Variants in NPAS3 observed in about 807,000 individuals in gnomAD.
NPAS3 encodes neuronal PAS domain-containing protein 3.
NPAS3 carries 14 observed loss-of-function variants against 73.1 expected under a neutral mutation model. That is an observed-to-expected ratio of 0.19 (90% CI 0.13 to 0.30). NPAS3 has a LOEUF of 0.30. NPAS3 is among the 10% of genes least tolerant of loss of function. The probability of loss-of-function intolerance (pLI) is 1.00; values close to 1 mark genes in which losing one functional copy is unlikely to be tolerated. For missense variants in NPAS3, 1,096 were observed against 1,250.0 expected (o/e 0.88, Z 1.86); for synonymous variants, 620 against 541.5 (o/e 1.14, Z -2.01).
At chr14:33,785,560 A>G (rs545245963) in intron 9 of NPAS3, among the ~76,000 whole-genome samples, 2 of 149,154 alleles carry the variant, frequency 1.3e-5, no homozygotes, top group East Asian at 3.9e-4. Flanking sequence ...TATACAAACT[A>G]TTTTTTAAAT....
At chr14:33,297,684 C>A (rs541202146) in intron 3 of NPAS3, among the ~76,000 whole-genome samples, 20 of 152,232 alleles carry the variant, frequency 1.3e-4, no homozygotes, top group Middle Eastern at 3.4e-3. Flanking sequence ...TGTCAGGATC[C>A]CTGCTGCTTG....
At chr14:33,694,771 T>G (rs1436101544) in intron 6 of NPAS3, among the ~76,000 whole-genome samples, 1 of 152,174 alleles carries the variant, frequency 6.6e-6, no homozygotes, top group South Asian at 2.1e-4. Context: ...ACAACATCTT[T>G]CCATCAGATA....
intron 3 of NPAS3, among the ~76,000 whole-genome samples, chr14:33,358,335 T>C (rs1444927720): frequency 6.6e-6 from 1 of 152,194 alleles, no homozygotes; most frequent in Admixed American, 6.5e-5. Context: ...TTATGCAGTA[T>C]TGAGCCCCAA....
intron 2 of NPAS3, 83 bp downstream of exon 2, chr14:33,056,077 T>C (rs1201707781): frequency 1.5e-5 from 9 of 607,496 alleles, no homozygotes; most frequent in Non-Finnish European, 2.6e-5. Context: ...TATCCTTGTA[T>C]TGAAACCTTC....
At chr14:33,660,638 C>T (rs1000438091) in intron 5 of NPAS3, among the ~76,000 whole-genome samples, 2 of 152,300 alleles carry the variant, frequency 1.3e-5, no homozygotes, top group East Asian at 3.9e-4. Context: ...TGGAGGGCAA[C>T]GCAAAGCCAT....
chr14:33,050,926 T>G (rs8022240), intron 1 of NPAS3, among the ~76,000 whole-genome samples: 8 of 152,214 alleles, frequency 5.3e-5, no homozygotes, highest in Non-Finnish European at 1.2e-4. Context: ...CAGCAGGTAG[T>G]GAAGTAGATC....
At chr14:33,332,324 T>G (rs2044023994) in intron 3 of NPAS3, among the ~76,000 whole-genome samples, 1 of 152,202 alleles carries the variant, frequency 6.6e-6, no homozygotes, top group Admixed American at 6.5e-5. Context: ...TGGCCGTATT[T>G]CTAAAAAATT....
chr14:33,231,802 T>G (rs1452767550), intron 3 of NPAS3, among the ~76,000 whole-genome samples: 2 of 152,190 alleles, frequency 1.3e-5, no homozygotes, highest in African/African-American at 2.4e-5. Context: ...CAAAGACTCT[T>G]TAAGTAAACT....
intron 5 of NPAS3, among the ~76,000 whole-genome samples, chr14:33,565,566 G>T (rs2077899552): frequency 6.6e-6 from 1 of 152,032 alleles, no homozygotes; most frequent in African/African-American, 2.4e-5. Context: ...TTAGTATGTG[G>T]CTAATACTCT....
At chr14:32,949,110 C>G (rs3946023) in intron 1 of NPAS3, among the ~76,000 whole-genome samples, 61,983 of 151,888 alleles carry the variant, frequency 0.41, 13,315 homozygotes, top group Middle Eastern at 0.52. Flanking sequence ...TCTGTATTTT[C>G]TAAGTACATG....
chr14:33,133,419 G>A (rs1003022969), intron 2 of NPAS3, among the ~76,000 whole-genome samples: 5 of 152,230 alleles, frequency 3.3e-5, no homozygotes, highest in East Asian at 3.9e-4. Flanking sequence ...TCACTGAGTC[G>A]TTAGGACCGG....
chr14:33,375,043 A>G (rs1050737977), intron 4 of NPAS3, among the ~76,000 whole-genome samples: 1 of 152,188 alleles, frequency 6.6e-6, no homozygotes, highest in Non-Finnish European at 1.5e-5. Flanking sequence ...GATCATCTCT[A>G]GGAAGTTGCA....
At chr14:33,660,837 C>T (rs972291450) in intron 5 of NPAS3, among the ~76,000 whole-genome samples, 2 of 152,176 alleles carry the variant, frequency 1.3e-5, no homozygotes, top group Admixed American at 1.3e-4. Context: ...TACATACTCT[C>T]GAAGGCAATC....
chr14:33,429,366 T>C (rs1469783572), intron 4 of NPAS3, among the ~76,000 whole-genome samples: 2 of 152,022 alleles, frequency 1.3e-5, no homozygotes, highest in African/African-American at 4.8e-5. Flanking sequence ...ATCTCTTGGA[T>C]CTTCAGGAAG....
At chr14:33,474,048 G>A (rs896422438) in intron 4 of NPAS3, among the ~76,000 whole-genome samples, 2 of 152,134 alleles carry the variant, frequency 1.3e-5, no homozygotes, top group Non-Finnish European at 2.9e-5. Context: ...TGGTGAGGTG[G>A]CAGAGTCTAG....
chr14:33,628,333 G>A (rs1033060058), intron 5 of NPAS3, among the ~76,000 whole-genome samples: 2 of 152,200 alleles, frequency 1.3e-5, no homozygotes, highest in African/African-American at 4.8e-5. Context: ...CAGTTTGTCA[G>A]ATATTCAGTA....
chr14:32,957,806 G>A (rs1416336113), intron 1 of NPAS3, among the ~76,000 whole-genome samples: 1 of 152,180 alleles, frequency 6.6e-6, no homozygotes, highest in Admixed American at 6.5e-5. Context: ...GTCTCTTAGT[G>A]TGGGGACTGT....
At chr14:33,502,228 T>C (rs2052551689) in intron 4 of NPAS3, among the ~76,000 whole-genome samples, 1 of 151,862 alleles carries the variant, frequency 6.6e-6, no homozygotes, top group Non-Finnish European at 1.5e-5. Context: ...TCTTTTTTTC[T>C]GTTTCTAGCT....
At chr14:33,164,539 TAAAA>T (rs927385939) in intron 2 of NPAS3, among the ~76,000 whole-genome samples, 2 of 151,420 alleles carry the variant, frequency 1.3e-5, no homozygotes, top group African/African-American at 4.9e-5. Flanking sequence ...ATGAACAACT[TAAAA>T]AAAAACCACA....
Sources: allele counts gnomAD v4.1 joint callset (sites outside exome capture counted in the v4.1 genomes callset), GRCh38; gene constraint gnomAD v4.1.1; transcripts MANE v1.5; gene names NCBI Gene and HGNC (gene_info 2026-07-23, HGNC 2026-07-21).